The following XIRP2 variants were observed in gnomAD, a reference collection of about 807,000 sequenced individuals.
XIRP2 encodes the protein xin actin-binding repeat-containing protein 2.
XIRP2 carries 236 observed loss-of-function variants against 277.0 expected under a neutral mutation model. The observed-to-expected ratio is 0.85, with a 90% CI of 0.77 to 0.95. The LOEUF (loss-of-function observed/expected upper bound fraction) is 0.95. XIRP2 is among the 40% of genes least tolerant of loss of function. The pLI is 0.00. For synonymous variants in XIRP2, 1,490 were observed against 1,416.5 expected (o/e 1.05, Z -1.17); for missense variants, 4,640 against 4,157.5 (o/e 1.12, Z -3.19).
intron 3 of XIRP2, among the ~76,000 whole-genome samples, chr2:167,205,171 T>C (rs1426348816): frequency 6.6e-6 from 1 of 152,142 alleles, no homozygotes; most frequent in African/African-American, 2.4e-5. Context: ...GTCCCCACTA[T>C]AGGCTCCCAA....
chr2:167,225,681 G>A (rs995195070), intron 5 of XIRP2, among the ~76,000 whole-genome samples: 6 of 152,014 alleles, frequency 3.9e-5, no homozygotes, highest in African/African-American at 1.4e-4. Flanking sequence ...AGAAAACAAA[G>A]AACAAAAACA....
intron 3 of XIRP2, among the ~76,000 whole-genome samples, chr2:167,194,545 G>A (rs1196155311): frequency 6.6e-6 from 1 of 151,998 alleles, no homozygotes; most frequent in African/African-American, 2.4e-5. Flanking sequence ...TGAAATGTAT[G>A]AAGTGTTCTC....
At chr2:167,201,370 G>A (rs1456748409) in intron 3 of XIRP2, among the ~76,000 whole-genome samples, 1 of 149,208 alleles carries the variant, frequency 6.7e-6, no homozygotes, top group Non-Finnish European at 1.5e-5. Context: ...GGAAGGGGAA[G>A]GAAGGGCAGG....
chr2:167,166,379 A>G (rs1439798943), intron 3 of XIRP2, among the ~76,000 whole-genome samples: 1 of 152,134 alleles, frequency 6.6e-6, no homozygotes, highest in African/African-American at 2.4e-5. Context: ...GGCCTAGAAT[A>G]TGGTCTGTCT....
intron 3 of XIRP2, among the ~76,000 whole-genome samples, chr2:167,182,114 G>T (rs556184761): frequency 2.0e-5 from 3 of 152,106 alleles, no homozygotes; most frequent in Admixed American, 2.0e-4. Flanking sequence ...TTGGACAAGT[G>T]TAAATTATAC....
rs182822874 is a variant in XIRP2, at chr2:167,259,228, T to A, written c.*1411T>A. ...AAACAACAGAAGCTGCCCGCAATAA[T>A]GAAAACACAGGTTTTGATGCTCTGA... On this transcript the variant is annotated 3_prime_UTR_variant, in exon 11 of 11. Coordinates refer to ENST00000409195, the MANE Select transcript of XIRP2 (RefSeq NM_152381.6). The A allele has an allele frequency of 6.8e-5, 109 of 1,613,442 alleles. No individual in the cohort carries two copies. The highest frequency in any genetic ancestry group is 6.3e-5 in the Non-Finnish European group (74 of 1,179,620).
At chr2:167,207,908 T>G (rs1051116875) in intron 3 of XIRP2, among the ~76,000 whole-genome samples, 3 of 152,182 alleles carry the variant, frequency 2.0e-5, no homozygotes, top group African/African-American at 7.2e-5. Flanking sequence ...TCAAAGTGCC[T>G]CTCTATGTTT....
At chr2:167,063,060 T>A (rs865806464) in intron 2 of XIRP2, among the ~76,000 whole-genome samples, 1 of 152,126 alleles carries the variant, frequency 6.6e-6, no homozygotes, top group African/African-American at 2.4e-5. Flanking sequence ...ATTCTTATTC[T>A]CTAATGTAAG....
rs570147794 is a variant in XIRP2 at position 166,913,772 on chromosome 2, C to G, written c.408+9882C>G. 5.9e-5 allele frequency among the ~76,000 whole-genome samples: 9 copies of G among 152,300 alleles called. 1 individual carries two copies. Among genetic ancestry groups the G allele is most frequent in the African/African-American group, 1.7e-4 (7 of 41,574 alleles). On this transcript the variant is annotated intron_variant, in intron 2 of 10. Coordinates refer to ENST00000409195, the MANE Select transcript of XIRP2 (RefSeq NM_152381.6). ...TAATTGCAGCCATTTTGCAAACACT[C>G]TCCCACAGGTAAGTTTAACTAAATA...
At chr2:167,148,027 T>C (rs1412320379) in intron 3 of XIRP2, among the ~76,000 whole-genome samples, 5 of 151,962 alleles carry the variant, frequency 3.3e-5, no homozygotes, top group Non-Finnish European at 7.4e-5. Flanking sequence ...AAAATACAAA[T>C]AGAGTGATAA....
intron 3 of XIRP2, among the ~76,000 whole-genome samples, chr2:167,186,725 A>C (rs896968818): frequency 3.3e-5 from 5 of 151,900 alleles, no homozygotes; most frequent in African/African-American, 1.2e-4. Flanking sequence ...GAATGATTTA[A>C]AGCCAATATT....
At chr2:167,055,313 G>A (rs768411668) in intron 2 of XIRP2, among the ~76,000 whole-genome samples, 10 of 152,168 alleles carry the variant, frequency 6.6e-5, no homozygotes, top group Non-Finnish European at 5.9e-5. Flanking sequence ...AAGAGTAAAT[G>A]AGGTGGAGTA....
rs1388059871 is a variant in XIRP2 at position 167,248,619 on chromosome 2, TA to T, written c.7231del (p.Ile2411SerfsTer2). On this transcript the variant is annotated frameshift_variant, in exon 9 of 11. Transcript: ENST00000409195. LOFTEE classifies it high-confidence loss of function. ...EASNSQNSQA[K>X]IITGKTGVLP... Reference sequence around the variant, plus strand: ...CCTCGAACTCTCAGAATTCTCAGGCTAAAATCATAACAGGAAAAACCGGTGT... The same window carrying T: ...CCTCGAACTCTCAGAATTCTCAGGCTAAATCATAACAGGAAAAACCGGTGT... 10 of 1,613,714 alleles carry T rather than the reference TA, an allele frequency of 6.2e-6. No individual in the cohort carries two copies. The highest frequency in any genetic ancestry group is 8.5e-6 in the Non-Finnish European group (10 of 1,179,798).
At chr2:167,220,109 C>T (rs1463088810) in intron 5 of XIRP2, among the ~76,000 whole-genome samples, 1 of 152,122 alleles carries the variant, frequency 6.6e-6, no homozygotes, top group Non-Finnish European at 1.5e-5. Context: ...TTGAAATCAG[C>T]CATAGTGAGA....
At chr2:167,201,203 AAAGAAAGAAAGAAAGAAAGAAAG>A (rs1693683984) in intron 3 of XIRP2, among the ~76,000 whole-genome samples, 1 of 57,526 alleles carries the variant, frequency 1.7e-5, no homozygotes, top group Non-Finnish European at 3.4e-5. Flanking sequence ...AGAAAGAAAG[AAAGAAAGAAAGAAAGAAAGAAAG>A]AAAGAAAGAA....
chr2:167,053,453 G>A (rs953398851), intron 2 of XIRP2, among the ~76,000 whole-genome samples: 1 of 151,890 alleles, frequency 6.6e-6, no homozygotes, highest in Non-Finnish European at 1.5e-5. Context: ...TCCTTATAAG[G>A]ACAGGGTGCA....
At chr2:167,168,637 C>T (rs143995292) in intron 3 of XIRP2, among the ~76,000 whole-genome samples, 2,543 of 152,158 alleles carry the variant, frequency 0.017, 74 homozygotes, top group African/African-American at 0.057. Context: ...TTTTTTGAGA[C>T]GGAGTCTCGC....
chr2:167,085,347 A>G (rs1004713473), intron 2 of XIRP2, among the ~76,000 whole-genome samples: 1 of 151,338 alleles, frequency 6.6e-6, no homozygotes, highest in African/African-American at 2.4e-5. Flanking sequence ...TTTGCTGAGG[A>G]GAGCTTTACT....
chr2:166,989,061 C>T (rs1195034450), intron 2 of XIRP2, among the ~76,000 whole-genome samples: 2 of 83,844 alleles, frequency 2.4e-5, no homozygotes, highest in African/African-American at 1.1e-4. Flanking sequence ...ACTTAAGTGT[C>T]CCTGTCTGAC....
Sources: allele counts gnomAD v4.1 joint callset (sites outside exome capture counted in the v4.1 genomes callset), GRCh38; gene constraint gnomAD v4.1.1; transcripts MANE v1.5; gene names NCBI Gene and HGNC (gene_info 2026-07-23, HGNC 2026-07-21).